Variants in KCNJ6 observed in about 807,000 individuals in gnomAD.
KCNJ6 encodes the protein G protein-activated inward rectifier potassium channel 2.
A neutral mutation model predicts 34.2 loss-of-function variants in KCNJ6; 9 were observed. The ratio of observed to expected loss-of-function variants is 0.26; its 90% CI spans 0.16 to 0.46. The LOEUF (loss-of-function observed/expected upper bound fraction) is 0.46. Ranked by LOEUF, KCNJ6 falls within the 20% of genes least tolerant of loss-of-function variation. The probability of loss-of-function intolerance (pLI) is 1.00; values close to 1 mark genes in which losing one functional copy is unlikely to be tolerated. For missense variants in KCNJ6, 236 were observed against 531.3 expected (o/e 0.44, Z 5.46); for synonymous variants, 196 against 207.1 (o/e 0.95, Z 0.46).
At chr21:37,899,531 C>CT (rs1166888302) in intron 1 of KCNJ6, among the ~76,000 whole-genome samples, 1 of 152,184 alleles carries the variant, frequency 6.6e-6, no homozygotes, top group Admixed American at 6.5e-5. Context: ...CACACTTTTG[C>CT]TGACACTCTT....
At chr21:37,770,515 T>A (rs1212081130) in intron 2 of KCNJ6, among the ~76,000 whole-genome samples, 2 of 152,174 alleles carry the variant, frequency 1.3e-5, no homozygotes. Flanking sequence ...GAAGAGTGTG[T>A]CTGGAATACA....
chr21:37,616,565 A>C lies in KCNJ6; in HGVS notation c.*8594T>G, dbSNP rs2054267429. On this transcript the variant is annotated 3_prime_UTR_variant, in exon 4 of 4. Coordinates refer to ENST00000609713, the MANE Select transcript of KCNJ6 (RefSeq NM_002240.5). Reference sequence around the variant, plus strand: ...ACCATCACTCATAGACTCTCTGGGCAATTATGAAGCAGGAACAAAATGTAC... The same window carrying C: ...ACCATCACTCATAGACTCTCTGGGCCATTATGAAGCAGGAACAAAATGTAC... The C allele has an allele frequency of 7.3e-6, 1 of 136,646 alleles. No homozygotes were observed. Among genetic ancestry groups the C allele is most frequent in the Non-Finnish European group, 1.6e-5 (1 of 64,412 alleles). 8.5% of individuals were successfully genotyped at this position (136,646 alleles called of 1,614,324 possible).
At chr21:37,627,410 C>T (rs1000826487) in intron 3 of KCNJ6, among the ~76,000 whole-genome samples, 1 of 152,178 alleles carries the variant, frequency 6.6e-6, no homozygotes, top group Non-Finnish European at 1.5e-5. Flanking sequence ...CAACGTTTCT[C>T]TTCTGAATTA....
intron 2 of KCNJ6, among the ~76,000 whole-genome samples, chr21:37,740,767 A>G (rs1327638133): frequency 6.6e-6 from 1 of 152,262 alleles, no homozygotes; most frequent in Non-Finnish European, 1.5e-5. Context: ...CTCAAGGACC[A>G]TAAACTTGAA....
chr21:37,839,682 A>G (rs2055469174), intron 2 of KCNJ6, among the ~76,000 whole-genome samples: 1 of 152,266 alleles, frequency 6.6e-6, no homozygotes, highest in South Asian at 2.1e-4. Context: ...CATTTTTCAA[A>G]GGAAAAAAAT....
intron 2 of KCNJ6, among the ~76,000 whole-genome samples, chr21:37,838,894 T>C (rs187530870): frequency 6.6e-6 from 1 of 152,332 alleles, no homozygotes; most frequent in East Asian, 1.9e-4. Flanking sequence ...CTAGTGATAC[T>C]GAGTAAGTGC....
chr21:37,656,269 A>G (rs1336845677), intron 3 of KCNJ6, among the ~76,000 whole-genome samples: 2 of 152,142 alleles, frequency 1.3e-5, no homozygotes, highest in Non-Finnish European at 2.9e-5. Context: ...TGCTGTGCTC[A>G]GGGTCCACAG....
chr21:37,668,127 C>A (rs1012999443), intron 3 of KCNJ6, among the ~76,000 whole-genome samples: 1 of 152,114 alleles, frequency 6.6e-6, no homozygotes, highest in African/African-American at 2.4e-5. Flanking sequence ...GGCCTCAGCT[C>A]GGGTGTGTGG....
At chr21:37,818,010 A>G (rs2055354779) in intron 2 of KCNJ6, among the ~76,000 whole-genome samples, 1 of 152,236 alleles carries the variant, frequency 6.6e-6, no homozygotes, top group African/African-American at 2.4e-5. Flanking sequence ...TCGTACCCAG[A>G]ATGCACATGA....
In KCNJ6 at chr21:37,607,550, T is replaced by C. The variant is rs535201765; in HGVS notation, c.*17609A>G. The C allele has an allele frequency of 1.3e-5, 2 of 150,752 alleles. No individual in the cohort carries two copies. The highest frequency in any genetic ancestry group is 2.4e-5 in the African/African-American group (1 of 41,224). 9.3% of individuals were successfully genotyped at this position (150,752 alleles called of 1,614,324 possible). A position where few individuals can be genotyped will look rare whatever the true frequency, so the allele number is the denominator to read the frequency against. ...TCAATACATAATTTGTGCTTTCGCA[T>C]TGAGCATGCTTTCGTCTCATTGTCC... On this transcript the variant is annotated 3_prime_UTR_variant, in exon 4 of 4. Transcript: ENST00000609713.
At chr21:37,908,914 C>T (rs772294827) in intron 1 of KCNJ6, among the ~76,000 whole-genome samples, 14 of 152,194 alleles carry the variant, frequency 9.2e-5, no homozygotes, top group African/African-American at 2.7e-4. Flanking sequence ...GTGTGTTCAC[C>T]CTACCAGTTT....
chr21:37,808,832 T>C (rs1226501636), intron 2 of KCNJ6, among the ~76,000 whole-genome samples: 1 of 152,050 alleles, frequency 6.6e-6, no homozygotes, highest in Non-Finnish European at 1.5e-5. Context: ...TTGATTTCCT[T>C]TCTCTCTCTC....
At chr21:37,628,572 A>G (rs920577290) in intron 3 of KCNJ6, among the ~76,000 whole-genome samples, 13 of 152,202 alleles carry the variant, frequency 8.5e-5, no homozygotes, top group Non-Finnish European at 1.6e-4. Context: ...CGTACGCATA[A>G]TAGGAGCTCC....
At chr21:37,698,199 C>T (rs1032650634) in intron 3 of KCNJ6, among the ~76,000 whole-genome samples, 1 of 152,248 alleles carries the variant, frequency 6.6e-6, no homozygotes, top group African/African-American at 2.4e-5. Flanking sequence ...AACCTCATCT[C>T]CCCCTTATTT....
At chr21:37,739,087 A>C (rs1186517729) in intron 2 of KCNJ6, among the ~76,000 whole-genome samples, 2 of 152,234 alleles carry the variant, frequency 1.3e-5, no homozygotes, top group East Asian at 3.8e-4. Flanking sequence ...GATGTGCAGT[A>C]AGTGTTAAAC....
intron 1 of KCNJ6, among the ~76,000 whole-genome samples, chr21:37,865,073 A>G (rs1265043333): frequency 6.6e-6 from 1 of 152,094 alleles, no homozygotes; most frequent in Admixed American, 6.6e-5. Context: ...CACTATTTAG[A>G]GCTAGATCCC....
intron 2 of KCNJ6, among the ~76,000 whole-genome samples, chr21:37,777,439 T>C (rs1038301184): frequency 1.3e-5 from 2 of 152,192 alleles, no homozygotes; most frequent in African/African-American, 4.8e-5. Context: ...TTCTGCTTTT[T>C]GACTCTGAGG....
intron 3 of KCNJ6, among the ~76,000 whole-genome samples, chr21:37,707,309 G>T (rs2054725249): frequency 6.6e-6 from 1 of 152,216 alleles, no homozygotes; most frequent in Admixed American, 6.5e-5. Context: ...TCTCCCGACT[G>T]CCCGGCCTCC....
chr21:37,863,778 A>G (rs1002542381), intron 1 of KCNJ6, among the ~76,000 whole-genome samples: 1 of 151,210 alleles, frequency 6.6e-6, no homozygotes, highest in African/African-American at 2.4e-5. Flanking sequence ...TAAGAAAAAA[A>G]ATGCTCCATG....
Sources: allele counts gnomAD v4.1 joint callset (sites outside exome capture counted in the v4.1 genomes callset), GRCh38; gene constraint gnomAD v4.1.1; transcripts MANE v1.5; gene names NCBI Gene and HGNC (gene_info 2026-07-23, HGNC 2026-07-21).